Variants in NCK1 observed in about 807,000 individuals in gnomAD.
NCK1 encodes the protein SH2/SH3 adapter protein NCK1.
A neutral mutation model predicts 36.6 loss-of-function variants in NCK1; 19 were observed. That is an observed-to-expected ratio of 0.52 (90% CI 0.36 to 0.76). The LOEUF (loss-of-function observed/expected upper bound fraction) is 0.76. NCK1 is among the 30% of genes least tolerant of loss of function. The pLI is 0.00. For missense variants in NCK1, 358 were observed against 445.6 expected (o/e 0.80, Z 1.77); for synonymous variants, 165 against 156.0 (o/e 1.06, Z -0.43).
intron 2 of NCK1, among the ~76,000 whole-genome samples, chr3:136,943,666 A>T (rs888367990): frequency 2.0e-5 from 3 of 152,184 alleles, no homozygotes; most frequent in African/African-American, 7.2e-5. Context: ...TGTTCCTACT[A>T]CTGATGTATG....
chr3:136,909,702 A>G (rs1325330111), intron 1 of NCK1, among the ~76,000 whole-genome samples: 1 of 152,080 alleles, frequency 6.6e-6, no homozygotes, highest in African/African-American at 2.4e-5. Context: ...TTACTGTAGA[A>G]CTGTCTTGTT....
At chr3:136,887,909 G>A (rs752669440) in intron 1 of NCK1, among the ~76,000 whole-genome samples, 2 of 151,568 alleles carry the variant, frequency 1.3e-5, no homozygotes, top group East Asian at 1.9e-4. Context: ...TTTATTCATC[G>A]CCTTTATTGT....
At chr3:136,901,007 G>T (rs1576963855) in intron 1 of NCK1, among the ~76,000 whole-genome samples, 3 of 152,112 alleles carry the variant, frequency 2.0e-5, no homozygotes, top group Admixed American at 2.0e-4. Flanking sequence ...AGAAGAAAGG[G>T]TTTCAACTTT....
intron 1 of NCK1, among the ~76,000 whole-genome samples, chr3:136,910,784 G>A (rs898853051): frequency 2.0e-5 from 3 of 152,018 alleles, no homozygotes; most frequent in Admixed American, 6.6e-5. Flanking sequence ...TTTTCATAAC[G>A]AGACATTTAA....
intron 1 of NCK1, chr3:136,900,070 G>A: frequency 5.7e-6 from 3 of 522,560 alleles, no homozygotes; most frequent in East Asian, 3.6e-5. Context: ...CTCACAGGCT[G>A]CACCATGGTC....
In NCK1 at chr3:136,903,380, G is replaced by C. The variant is rs565681477; in HGVS notation, c.-18-24604G>C. ...TTTATTGTAGGTAGTATATAGGTGG[G>C]TCATGCTTTAAAAACATTTTAAAAA... On this transcript the variant is annotated intron_variant, in intron 1 of 3. Transcript: ENST00000481752. Among the ~76,000 whole-genome samples the C allele has an allele frequency of 2.0e-5, 3 of 152,164 alleles. No individual in the cohort carries two copies. The East Asian group carries it at 5.8e-4, about 29-fold the overall frequency.
intron 1 of NCK1, among the ~76,000 whole-genome samples, chr3:136,920,280 A>G (rs546626552): frequency 6.6e-6 from 1 of 152,230 alleles, no homozygotes; most frequent in African/African-American, 2.4e-5. Flanking sequence ...GGTCAAATAA[A>G]ATTCCATCTA....
chr3:136,879,839 T>C (rs1037062799), intron 1 of NCK1, among the ~76,000 whole-genome samples: 15 of 151,406 alleles, frequency 9.9e-5, no homozygotes, highest in African/African-American at 3.2e-4. Flanking sequence ...TTGGGGCCTG[T>C]TGGCGGGTGA....
At chr3:136,934,743 A>T (rs986925127) in intron 2 of NCK1, among the ~76,000 whole-genome samples, 1 of 152,190 alleles carries the variant, frequency 6.6e-6, no homozygotes, top group Admixed American at 6.5e-5. Flanking sequence ...CTTGACCAAG[A>T]TCACACAACC....
At chr3:136,874,480 C>A (rs982236988) in intron 1 of NCK1, among the ~76,000 whole-genome samples, 2 of 152,118 alleles carry the variant, frequency 1.3e-5, no homozygotes, top group African/African-American at 4.8e-5. Context: ...ACGCCCGGCC[C>A]GTTTACAGGT....
chr3:136,902,637 A>G (rs1032096372), intron 1 of NCK1, among the ~76,000 whole-genome samples: 1 of 152,210 alleles, frequency 6.6e-6, no homozygotes, highest in Non-Finnish European at 1.5e-5. Flanking sequence ...GATGAAAAGA[A>G]TGTGTTCACA....
At chr3:136,890,259 T>G in intron 1 of NCK1, among the ~76,000 whole-genome samples, 1 of 151,948 alleles carries the variant, frequency 6.6e-6, no homozygotes, top group Non-Finnish European at 1.5e-5. Context: ...CCCCCCACTG[T>G]CCGGCCGGCA....
At chr3:136,924,891 A>G (rs2108126089) in intron 1 of NCK1, among the ~76,000 whole-genome samples, 1 of 152,274 alleles carries the variant, frequency 6.6e-6, no homozygotes, top group East Asian at 1.9e-4. Context: ...TGGGTTAAAA[A>G]AGGGAAAAGG....
At chr3:136,925,976 A>G (rs868066099) in intron 1 of NCK1, among the ~76,000 whole-genome samples, 4 of 152,122 alleles carry the variant, frequency 2.6e-5, no homozygotes, top group African/African-American at 9.7e-5. Flanking sequence ...TCCAATTTCA[A>G]CTTACCCTTG....
chr3:136,932,549 A>G (rs2108135371), intron 2 of NCK1, among the ~76,000 whole-genome samples: 1 of 152,348 alleles, frequency 6.6e-6, no homozygotes, highest in South Asian at 2.1e-4. Context: ...AAAAACCTGT[A>G]ATGGAAGGAA....
chr3:136,937,569 A>G (rs1211456391), intron 2 of NCK1, among the ~76,000 whole-genome samples: 3 of 152,242 alleles, frequency 2.0e-5, no homozygotes, highest in Non-Finnish European at 2.9e-5. Context: ...TACTGTTGCC[A>G]TCTTACACAG....
chr3:136,932,106 G>A (rs1413904235), intron 2 of NCK1, among the ~76,000 whole-genome samples: 6 of 140,578 alleles, frequency 4.3e-5, no homozygotes, highest in African/African-American at 1.1e-4. Context: ...GCAACAGAGC[G>A]AGACTCCATC....
chr3:136,899,738 A>G (rs1242859895), intron 1 of NCK1: 27 of 973,856 alleles, frequency 2.8e-5, no homozygotes, highest in African/African-American at 6.4e-5. Flanking sequence ...CTGTTCTACT[A>G]TTGCCATGTT....
At chr3:136,886,198 G>A (rs993105687) in intron 1 of NCK1, among the ~76,000 whole-genome samples, 1 of 152,074 alleles carries the variant, frequency 6.6e-6, no homozygotes, top group African/African-American at 2.4e-5. Flanking sequence ...CTGACTTAAA[G>A]TATATATTTT....
Sources: allele counts gnomAD v4.1 joint callset (sites outside exome capture counted in the v4.1 genomes callset), GRCh38; gene constraint gnomAD v4.1.1; transcripts MANE v1.5; gene names NCBI Gene and HGNC (gene_info 2026-07-23, HGNC 2026-07-21).